Variants in SPATA16 observed in about 807,000 individuals in gnomAD.
SPATA16 encodes the protein spermatogenesis associated 16, also known as spermatogenesis-associated protein 16.
A neutral mutation model predicts 63.3 loss-of-function variants in SPATA16; 36 were observed. The observed-to-expected ratio is 0.57, with a 90% CI of 0.44 to 0.75. The LOEUF (loss-of-function observed/expected upper bound fraction) is 0.75. SPATA16 is among the 30% of genes least tolerant of loss of function. The pLI is 0.00. For missense variants in SPATA16, 646 were observed against 679.3 expected (o/e 0.95, Z 0.54); for synonymous variants, 203 against 216.7 (o/e 0.94, Z 0.56).
At chr3:173,121,067 T>C (rs1738055094) in intron 1 of SPATA16, among the ~76,000 whole-genome samples, 1 of 152,212 alleles carries the variant, frequency 6.6e-6, no homozygotes, top group Non-Finnish European at 1.5e-5. Flanking sequence ...CTAATTCAGG[T>C]TCCCTCCCAA....
At chr3:172,911,984 T>C (rs1176709330) in intron 10 of SPATA16, among the ~76,000 whole-genome samples, 1 of 152,340 alleles carries the variant, frequency 6.6e-6, no homozygotes, top group East Asian at 1.9e-4. Context: ...ATTTTCTAGT[T>C]AAATATACTC....
chr3:173,051,769 TTCTC>T (rs1736101949), intron 2 of SPATA16, among the ~76,000 whole-genome samples: 1 of 152,134 alleles, frequency 6.6e-6, no homozygotes, highest in South Asian at 2.1e-4. Flanking sequence ...CTATCCTTGT[TTCTC>T]TCTGATGTGA....
chr3:172,894,029 A>C (rs1370896563), intron 10 of SPATA16, among the ~76,000 whole-genome samples: 1 of 152,190 alleles, frequency 6.6e-6, no homozygotes, highest in Non-Finnish European at 1.5e-5. Flanking sequence ...AATAAATATC[A>C]GGTTTATATG....
chr3:172,928,418 G>A (rs1042519648), intron 6 of SPATA16, among the ~76,000 whole-genome samples: 1 of 152,174 alleles, frequency 6.6e-6, no homozygotes, highest in African/African-American at 2.4e-5. Flanking sequence ...AGCAAGGGGA[G>A]AGCTTACTAG....
chr3:172,991,299 A>G (rs1357171050), intron 4 of SPATA16, among the ~76,000 whole-genome samples: 1 of 152,194 alleles, frequency 6.6e-6, no homozygotes, highest in African/African-American at 2.4e-5. Context: ...AGAACAATAT[A>G]TCCTTTCTCT....
chr3:173,063,284 T>C (rs550355263), intron 2 of SPATA16, among the ~76,000 whole-genome samples: 1 of 152,356 alleles, frequency 6.6e-6, no homozygotes, highest in Admixed American at 6.5e-5. Flanking sequence ...CACTTATGTC[T>C]TGCAATCACC....
chr3:172,996,086 T>G (rs1389288033), intron 4 of SPATA16, among the ~76,000 whole-genome samples: 2 of 152,142 alleles, frequency 1.3e-5, no homozygotes, highest in Non-Finnish European at 2.9e-5. Context: ...GAGTACTGAC[T>G]AGTTATTACA....
intron 2 of SPATA16, among the ~76,000 whole-genome samples, chr3:173,058,470 TA>T (rs1381464889): frequency 3.0e-4 from 45 of 152,284 alleles, no homozygotes; most frequent in African/African-American, 1.1e-3. Flanking sequence ...AAAATACTAA[TA>T]CTTTAGAATA....
chr3:173,054,174 A>G (rs1465127748), intron 2 of SPATA16, among the ~76,000 whole-genome samples: 1 of 152,154 alleles, frequency 6.6e-6, no homozygotes, highest in Non-Finnish European at 1.5e-5. Context: ...GAAAACCAGT[A>G]AAGATAGATC....
At chr3:173,015,836 T>C (rs935634751) in intron 4 of SPATA16, among the ~76,000 whole-genome samples, 1 of 150,292 alleles carries the variant, frequency 6.7e-6, no homozygotes, top group Non-Finnish European at 1.5e-5. Flanking sequence ...GAATATTTTC[T>C]TCTCATGAAG....
At chr3:172,955,478 C>CTT (rs1444429504) in intron 6 of SPATA16, among the ~76,000 whole-genome samples, 1 of 152,040 alleles carries the variant, frequency 6.6e-6, no homozygotes, top group African/African-American at 2.4e-5. Flanking sequence ...AACCTGCTTT[C>CTT]TTATGAAATG....
At chr3:172,997,205 G>A (rs1408618268) in intron 4 of SPATA16, among the ~76,000 whole-genome samples, 1 of 152,096 alleles carries the variant, frequency 6.6e-6, no homozygotes, top group Non-Finnish European at 1.5e-5. Flanking sequence ...ATAAGAAACT[G>A]TCAAACTGCC....
chr3:173,078,324 C>G (rs1178256569), intron 2 of SPATA16, among the ~76,000 whole-genome samples: 1 of 152,094 alleles, frequency 6.6e-6, no homozygotes, highest in Non-Finnish European at 1.5e-5. Flanking sequence ...AATACTGGCT[C>G]TTAGACAGGA....
intron 3 of SPATA16, among the ~76,000 whole-genome samples, chr3:173,021,072 G>A (rs1577135398): frequency 1.3e-5 from 2 of 152,040 alleles, no homozygotes; most frequent in South Asian, 2.1e-4. Flanking sequence ...ACATGCAGAC[G>A]AAAATAATTC....
At chr3:173,016,784 G>A (rs1044144664) in intron 4 of SPATA16, among the ~76,000 whole-genome samples, 1 of 152,124 alleles carries the variant, frequency 6.6e-6, no homozygotes, top group Non-Finnish European at 1.5e-5. Context: ...TGAGGCCAAT[G>A]CCAGGAATCA....
intron 1 of SPATA16, among the ~76,000 whole-genome samples, chr3:173,120,176 A>C (rs1246129144): frequency 6.6e-6 from 1 of 151,978 alleles, no homozygotes; most frequent in South Asian, 2.1e-4. Context: ...CTCATTAGCA[A>C]GAGTGGCATG....
At chr3:173,117,062 T>C in intron 2 of SPATA16, 58 bp downstream of exon 2, 1 of 1,540,100 alleles carries the variant, frequency 6.5e-7, no homozygotes, top group Non-Finnish European at 9.0e-7. Flanking sequence ...TCAATGTAAT[T>C]GCAACTTTCC....
intron 2 of SPATA16, among the ~76,000 whole-genome samples, chr3:173,055,660 T>G (rs964912788): frequency 6.6e-6 from 1 of 152,236 alleles, no homozygotes; most frequent in African/African-American, 2.4e-5. Flanking sequence ...GAGGGAACTG[T>G]AATGTATCTT....
At chr3:173,065,847 TC>T (rs1180170995) in intron 2 of SPATA16, among the ~76,000 whole-genome samples, 1 of 152,030 alleles carries the variant, frequency 6.6e-6, no homozygotes, top group East Asian at 1.9e-4. Flanking sequence ...GAGCCTGAGT[TC>T]CAGCTGTTTT....
Sources: gnomAD v4.1 joint callset for allele counts (sites outside exome capture counted in the v4.1 genomes callset) on GRCh38, gnomAD v4.1.1 for gene constraint, MANE v1.5 for transcripts, NCBI Gene and HGNC (gene_info 2026-07-23, HGNC 2026-07-21) for gene names.